The following SH3GL3 variants were observed in gnomAD, a reference collection of about 807,000 sequenced individuals.
SH3GL3 encodes the protein endophilin-A3.
Under a neutral mutation model 47.7 loss-of-function variants are expected in SH3GL3, and 33 were observed. The observed-to-expected ratio is 0.69, with a 90% CI of 0.52 to 0.92. The LOEUF (loss-of-function observed/expected upper bound fraction) is 0.92, where lower values mean the gene tolerates loss of function less well. Ranked by LOEUF, SH3GL3 falls within the 40% of genes least tolerant of loss-of-function variation. The pLI, the probability that SH3GL3 is intolerant of heterozygous loss-of-function variation, is 0.00. For synonymous variants in SH3GL3, 155 were observed against 148.8 expected, an observed-to-expected ratio of 1.04 and a Z score of -0.30; for missense variants, 363 against 417.8, an observed-to-expected ratio of 0.87 and a Z score of 1.14.
At chr15:83,482,641 G>A (rs987925784) in intron 1 of SH3GL3, among the ~76,000 whole-genome samples, 9 of 151,726 alleles carry the variant, frequency 5.9e-5, no homozygotes, top group Admixed American at 2.6e-4. Flanking sequence ...TTACAGGCGC[G>A]CACCACCACA....
chr15:83,502,737 A>G (rs1188459842), intron 1 of SH3GL3, among the ~76,000 whole-genome samples: 2 of 152,102 alleles, frequency 1.3e-5, no homozygotes, highest in Non-Finnish European at 2.9e-5. Context: ...TAAAAAATAC[A>G]TATATTTTGT....
chr15:83,553,367 T>C (rs1406314589), intron 1 of SH3GL3, among the ~76,000 whole-genome samples: 1 of 152,260 alleles, frequency 6.6e-6, no homozygotes, highest in African/African-American at 2.4e-5. Context: ...TATAGCTAGA[T>C]TGTTAAAATT....
Position 83,476,621 on chromosome 15 carries a change from CAT to C in SH3GL3, c.45+29044_45+29045del, listed in dbSNP as rs574968650. ...ATCAAAAGAATAAAAATATTTAAAACATGTGATAATTACATGAAATTCAGATT... is the reference window on the plus strand; with the variant it reads ...ATCAAAAGAATAAAAATATTTAAAACGTGATAATTACATGAAATTCAGATT... On this transcript the variant is annotated intron_variant, in intron 1 of 8. Coordinates refer to ENST00000427482, the MANE Select transcript of SH3GL3 (RefSeq NM_003027.5). Among the ~76,000 whole-genome samples, 105 of 152,314 alleles carry C rather than the reference CAT, an allele frequency of 6.9e-4. 1 individual carries two copies. The highest frequency in any genetic ancestry group is 2.3e-3 in the East Asian group (12 of 5,192).
intron 1 of SH3GL3, among the ~76,000 whole-genome samples, chr15:83,459,327 G>A (rs28627171): frequency 0.4 from 60,142 of 152,042 alleles, 12,691 homozygotes; most frequent in South Asian, 0.65. Flanking sequence ...CCCAGAAACA[G>A]TACTTTGCAT....
intron 1 of SH3GL3, among the ~76,000 whole-genome samples, chr15:83,517,205 CTTTTT>C (rs36096315): frequency 2.7e-5 from 3 of 109,686 alleles, no homozygotes; most frequent in South Asian, 3.3e-4. Flanking sequence ...CTTTTCTTTT[CTTTTT>C]TTTTTTTTTT....
chr15:83,565,045 T>C (rs867796792), intron 2 of SH3GL3, 89 bp from the exon 3 acceptor site: 3 of 593,780 alleles, frequency 5.1e-6, no homozygotes, highest in Middle Eastern at 4.2e-4. Context: ...TTAGAAGAAT[T>C]AAATTAATGA....
At chr15:83,604,228 C>G (rs1480504044) in intron 8 of SH3GL3, among the ~76,000 whole-genome samples, 1 of 152,160 alleles carries the variant, frequency 6.6e-6, no homozygotes, top group African/African-American at 2.4e-5. Context: ...CTCCCTCCTT[C>G]AATGCCAGTA....
At chr15:83,569,094 G>T (rs1238928663) in intron 4 of SH3GL3, among the ~76,000 whole-genome samples, 1 of 151,844 alleles carries the variant, frequency 6.6e-6, no homozygotes, top group Non-Finnish European at 1.5e-5. Flanking sequence ...ACAGGGTTTC[G>T]CCATTTTGGC....
chr15:83,619,901 G>C (rs2060907460), downstream of SH3GL3, among the ~76,000 whole-genome samples: 1 of 152,168 alleles, frequency 6.6e-6, no homozygotes, highest in East Asian at 1.9e-4. Flanking sequence ...TTTACACACA[G>C]AACTTCTTTC....
intron 1 of SH3GL3, among the ~76,000 whole-genome samples, chr15:83,485,358 T>C (rs1218446721): frequency 6.6e-6 from 1 of 152,244 alleles, no homozygotes; most frequent in Non-Finnish European, 1.5e-5. Flanking sequence ...GGAAGAATAA[T>C]GAAAAAGTGT....
chr15:83,570,670 G>T (rs955016913), intron 4 of SH3GL3, among the ~76,000 whole-genome samples: 3 of 152,150 alleles, frequency 2.0e-5, no homozygotes, highest in African/African-American at 7.2e-5. Context: ...TGGAAGTTGA[G>T]AAATCAAATA....
intron 1 of SH3GL3, among the ~76,000 whole-genome samples, chr15:83,537,711 C>T (rs2043975151): frequency 6.6e-6 from 1 of 152,120 alleles, no homozygotes; most frequent in South Asian, 2.1e-4. Flanking sequence ...TTCTCTGTAT[C>T]AACTTTTATC....
At chr15:83,553,833 GT>G (rs1555495287) in intron 1 of SH3GL3, among the ~76,000 whole-genome samples, 1 of 151,956 alleles carries the variant, frequency 6.6e-6, no homozygotes, top group Non-Finnish European at 1.5e-5. Context: ...GTTTTTGCTT[GT>G]TTGTTTGCCT....
intron 1 of SH3GL3, among the ~76,000 whole-genome samples, chr15:83,494,113 G>C (rs2041987358): frequency 6.6e-6 from 1 of 152,210 alleles, no homozygotes; most frequent in Non-Finnish European, 1.5e-5. Context: ...CAGGAAACTA[G>C]GGCAGGAGGC....
chr15:83,478,576 G>A (rs768324576), intron 1 of SH3GL3, among the ~76,000 whole-genome samples: 3 of 152,220 alleles, frequency 2.0e-5, no homozygotes, highest in Non-Finnish European at 4.4e-5. Context: ...CTTTATATAT[G>A]ATATATGGTT....
At chr15:83,474,884 G>T (rs2041023499) in intron 1 of SH3GL3, among the ~76,000 whole-genome samples, 1 of 152,150 alleles carries the variant, frequency 6.6e-6, no homozygotes, top group African/African-American at 2.4e-5. Flanking sequence ...GGGCAGAGCA[G>T]CAGAAGGCAG....
chr15:83,569,977 G>T (rs2045737946), intron 4 of SH3GL3, among the ~76,000 whole-genome samples: 1 of 152,076 alleles, frequency 6.6e-6, no homozygotes, highest in Admixed American at 6.5e-5. Context: ...TGTATATGAA[G>T]GTCATTTCAA....
intron 8 of SH3GL3, among the ~76,000 whole-genome samples, chr15:83,592,586 T>C (rs1416734351): frequency 2.0e-5 from 3 of 152,244 alleles, no homozygotes; most frequent in Admixed American, 6.5e-5. Context: ...CGTGGGAACA[T>C]TGGTGTCAGG....
At chr15:83,604,536 T>G (rs2060467420) in intron 8 of SH3GL3, among the ~76,000 whole-genome samples, 1 of 152,164 alleles carries the variant, frequency 6.6e-6, no homozygotes, top group African/African-American at 2.4e-5. Context: ...CAGGAGTTAT[T>G]ATTTGGTGCT....
Sources: gnomAD v4.1 joint callset for allele counts (sites outside exome capture counted in the v4.1 genomes callset) on GRCh38, gnomAD v4.1.1 for gene constraint, MANE v1.5 for transcripts, NCBI Gene and HGNC (gene_info 2026-07-23, HGNC 2026-07-21) for gene names.